Variants in MYO7B observed in about 807,000 individuals in gnomAD.
MYO7B encodes unconventional myosin-VIIb.
In MYO7B, 212 loss-of-function variants were observed where a neutral mutation model predicts 259.7. The observed-to-expected ratio is 0.82, with a 90% CI of 0.73 to 0.91. The LOEUF (loss-of-function observed/expected upper bound fraction) is 0.91. Ranked by LOEUF, MYO7B falls within the 40% of genes least tolerant of loss-of-function variation. The pLI, the probability that MYO7B is intolerant of heterozygous loss-of-function variation, is 0.00. For missense variants in MYO7B, 2,732 were observed against 2,813.5 expected, an observed-to-expected ratio of 0.97 and a Z score of 0.66; for synonymous variants, 1,197 against 1,166.4, an observed-to-expected ratio of 1.03 and a Z score of -0.54.
At position 127,596,468 on chromosome 2, in the gene MYO7B, C is replaced by T; in HGVS notation, c.2251C>T (p.Gln751Ter). ...GKTKIFLRDH[Q>*]DTLLEVQRSQ... ...GGCGTCTCTCCTGTTCCAGGATCATCAGGACACTCTGCTGGAGGTACAGAG... is the reference window on the plus strand; with the variant it reads ...GGCGTCTCTCCTGTTCCAGGATCATTAGGACACTCTGCTGGAGGTACAGAG... Residue 751 changes from glutamine (Q) to a stop codon, truncating the protein, a stop_gained, in exon 19 of 48, where the codon CAG becomes TAG. Coordinates refer to ENST00000409816, the MANE Select transcript of MYO7B (RefSeq NM_001393586.1). LOFTEE classifies it high-confidence loss of function. The T allele has an allele frequency of 6.2e-7, 1 of 1,613,108 alleles. No homozygotes were observed.
chr2:127,592,774 C>T lies in MYO7B; in HGVS notation c.1993-20C>T, dbSNP rs775151102. 18 of 1,600,538 alleles carry T rather than the reference C, an allele frequency of 1.1e-5. No individual in the cohort carries two copies. The highest frequency in any genetic ancestry group is 2.3e-5 in the East Asian group (1 of 44,160). On this transcript the variant is annotated intron_variant, in intron 16 of 47. Coordinates refer to ENST00000409816, the MANE Select transcript of MYO7B (RefSeq NM_001393586.1). ...GAAAGTGGGGCTTGCGCTGGGTCAG[C>T]GCCCGGTGTCCGCCCACAGCTGTTC...
Position 127,624,116 on chromosome 2 carries a change from C to G in MYO7B, c.3843C>G (p.Arg1281=). ...YDKFWSLGSG[R]DHMMDAIARC... is the part of the protein sequence containing the mutation. ...AGTTCTGGTCCCTGGGCAGCGGGCG[C>G]GACCACATGATGGATGCCATCGCCC... The change falls in exon 30 of 48, where the codon CGC becomes CGG. Residue 1281 remains arginine, a synonymous_variant. Coordinates refer to ENST00000409816, the MANE Select transcript of MYO7B (RefSeq NM_001393586.1). 1 of 1,579,040 alleles carries G rather than the reference C, an allele frequency of 6.3e-7. No individual in the cohort carries two copies. Among genetic ancestry groups the G allele is most frequent in the Non-Finnish European group, 8.6e-7 (1 of 1,163,406 alleles).
rs2104949105 is a variant in MYO7B at position 127,586,186 on chromosome 2, G to GT, written c.1690+1278dup. Among the ~76,000 whole-genome samples the GT allele has an allele frequency of 6.6e-6, 1 of 152,244 alleles. No homozygotes were observed. The highest frequency in any genetic ancestry group is 2.4e-5 in the African/African-American group (1 of 41,548). On this transcript the variant is annotated intron_variant, in intron 14 of 47. Coordinates refer to ENST00000409816, the MANE Select transcript of MYO7B (RefSeq NM_001393586.1). This position sits in a 1 kb window ranked among gnomAD's most constrained non-coding sequence, Gnocchi z 4.8. ...TTCTTCTAAGATTTTTTTAGTGTTAGTTTTTACGTTAGGTCTTTGACCCAT... is the reference window on the plus strand; with the variant it reads ...TTCTTCTAAGATTTTTTTAGTGTTAGTTTTTTACGTTAGGTCTTTGACCCAT...
At chr2:127,567,229 C>A (rs2104876677) in intron 5 of MYO7B, among the ~76,000 whole-genome samples, 1 of 152,168 alleles carries the variant, frequency 6.6e-6, no homozygotes, top group Non-Finnish European at 1.5e-5. Context: ...CATAGCAAGA[C>A]CCTCTCTCTG....
chr2:127,612,669 T>G, intron 26 of MYO7B, 66 bp downstream of exon 26: 1 of 1,567,806 alleles, frequency 6.4e-7, no homozygotes, highest in Non-Finnish European at 8.6e-7. Context: ...TCTCAGCCCA[T>G]GGCCACAGCC....
At chr2:127,602,430 T>C (rs986432540) in intron 19 of MYO7B, among the ~76,000 whole-genome samples, 2 of 152,184 alleles carry the variant, frequency 1.3e-5, no homozygotes, top group Non-Finnish European at 2.9e-5. Flanking sequence ...GGAGGATCAC[T>C]TGAGGCCAGG....
In MYO7B at chr2:127,580,763, C is replaced by G; in HGVS notation, c.1021C>G (p.Leu341Val). ...VGFMASVFEN[L>V]DASDVMETPA... The stretch of plus-strand genomic sequence containing the variant: ...CTCTCTAGCTTCGGTCTTCGAGAAC[C>G]TGGACGCCTCAGACGTGATGGAGAC... Residue 341 changes from leucine to valine, a missense_variant, in exon 10 of 48, where the codon CTG becomes GTG. Leu to Val is a conservative substitution (Grantham distance 32). Coordinates refer to ENST00000409816, the MANE Select transcript of MYO7B (RefSeq NM_001393586.1). 6.2e-7 allele frequency: 1 copy of G among 1,613,442 alleles called. No individual in the cohort carries two copies. The highest frequency in any genetic ancestry group is 8.5e-7 in the Non-Finnish European group (1 of 1,179,722).
Position 127,612,559 on chromosome 2 carries a change from G to A in MYO7B, c.3354G>A (p.Lys1118=), listed in dbSNP as rs751673255. ...GADRPMSNLE[K]VHFIVGYAIL... ...ACCGGCCCATGTCCAACCTGGAGAA[G>A]GTGCACTTCATCGTGGGCTACGCCA... The change falls in exon 26 of 48, where the codon AAG becomes AAA. Residue 1118 remains lysine (K), a synonymous_variant. Transcript: ENST00000409816. 3.1e-6 allele frequency: 5 copies of A among 1,604,202 alleles called. No individual in the cohort carries two copies. Among genetic ancestry groups the A allele is most frequent in the South Asian group, 1.1e-5 (1 of 88,762 alleles).
intron 24 of MYO7B, among the ~76,000 whole-genome samples, chr2:127,610,743 A>T (rs1558834414): frequency 6.6e-6 from 1 of 152,214 alleles, no homozygotes; most frequent in Non-Finnish European, 1.5e-5. Flanking sequence ...GACTTAGCTC[A>T]ATACCTGTGG....
chr2:127,614,036 G>T lies in MYO7B; in HGVS notation c.3398+1433G>T, dbSNP rs1680483784. 6.6e-6 allele frequency among the ~76,000 whole-genome samples: 1 copy of T among 152,184 alleles called. No individual in the cohort carries two copies. Among genetic ancestry groups the T allele is most frequent in the South Asian group, 2.1e-4 (1 of 4,830 alleles). ...AGGGCTTCTCAAGTTTTAGCTGCCT[G>T]CATGACACTAGCTGGGCAAGTCTTC... On this transcript the variant is annotated intron_variant, in intron 26 of 47. Transcript: ENST00000409816. This position sits in a 1 kb window ranked among gnomAD's most constrained non-coding sequence, Gnocchi z 4.6.
chr2:127,565,436 C>T (rs1176818798), intron 4 of MYO7B, 51 bp downstream of exon 4: 3 of 1,597,400 alleles, frequency 1.9e-6, no homozygotes, highest in Middle Eastern at 1.7e-4. Context: ...CAGGTGCCAA[C>T]CTCCTGGACA....
Position 127,628,469 on chromosome 2 carries a change from C to A in MYO7B, c.4558C>A (p.Leu1520Met). The A allele has an allele frequency of 6.4e-7, 1 of 1,564,362 alleles. No individual in the cohort carries two copies. Among genetic ancestry groups the A allele is most frequent in the East Asian group, 2.3e-5 (1 of 42,780 alleles). Residue 1520 changes from leucine to methionine, a missense_variant, in exon 34 of 48, where the codon CTG (leucine) becomes ATG (methionine). Leu to Met is a conservative substitution (Grantham distance 15, BLOSUM62 2). Around this residue, in one of 3 missense-constraint regions of MYO7B, gnomAD observed 1,906 missense variants for 2,026.4 expected, o/e 0.94. Coordinates refer to ENST00000409816, the MANE Select transcript of MYO7B (RefSeq NM_001393586.1). This position sits in a 1 kb window ranked among gnomAD's most constrained non-coding sequence, Gnocchi z 4.8. ...TGTGGCCATCGCTGAGCTGGTGGCC[C>A]TGTTCCTGGAGGGCCTGAAGGAGAG... ...SSVAIAELVA[L>M]FLEGLKERSI...
At position 127,592,794 on chromosome 2, in the gene MYO7B, C is replaced by CCGCCCCGG. The variant is rs1558822044; in HGVS notation, c.1993_1994insCGCCCCGG (p.Leu665ProfsTer19). On this transcript the variant is annotated frameshift_variant and splice_region_variant, in exon 17 of 48. Transcript: ENST00000409816. LOFTEE classifies it high-confidence loss of function. ...GTCAGCGCCCGGTGTCCGCCCACAG[C>CCGCCCCGG]TGTTCGACCGGGAGCTGTGCCTGCG... 3.1e-6 allele frequency: 5 copies of CCGCCCCGG among 1,609,198 alleles called. 1 individual carries two copies. The Admixed American group carries it at 8.4e-5, about 27-fold the overall frequency.
chr2:127,616,598 G>A (rs1311708968), intron 26 of MYO7B, among the ~76,000 whole-genome samples: 1 of 152,190 alleles, frequency 6.6e-6, no homozygotes, highest in Non-Finnish European at 1.5e-5. Context: ...TATCCTGTTG[G>A]CAAAGGTCCC....
In MYO7B at chr2:127,590,965, G is replaced by A. The variant is rs1473249886; in HGVS notation, c.1992+736G>A. Among the ~76,000 whole-genome samples, 4 of 152,182 alleles carry A rather than the reference G, an allele frequency of 2.6e-5. No homozygotes were observed. Among genetic ancestry groups the A allele is most frequent in the African/African-American group, 9.7e-5 (4 of 41,424 alleles). On this transcript the variant is annotated intron_variant, in intron 16 of 47. Transcript: ENST00000409816. The surrounding 1 kb of genome is among the most constrained non-coding windows in gnomAD (Gnocchi z 4.6). ...TCCCAGCACTTTGGGAGGCTGAGGC[G>A]GGAGGATTGCTTGAGGCAAGCCTGG...
intron 26 of MYO7B, among the ~76,000 whole-genome samples, chr2:127,619,569 C>G (rs1680746201): frequency 6.6e-6 from 1 of 152,110 alleles, no homozygotes; most frequent in Non-Finnish European, 1.5e-5. Context: ...TGCTTCCCAT[C>G]TCTGTTCGGT....
rs377021485 is a variant in MYO7B, at chr2:127,614,376, G to A, written c.3398+1773G>A. Among the ~76,000 whole-genome samples, 1 of 151,988 alleles carries A rather than the reference G, an allele frequency of 6.6e-6. No individual in the cohort carries two copies. The highest frequency in any genetic ancestry group is 1.5e-5 in the Non-Finnish European group (1 of 68,002). The stretch of plus-strand genomic sequence containing the variant: ...ATGCCTGAAGCTCAGCTCCTTCCAC[G>A]ACATCTTTTGGTCAGCAGGAAGCTC... On this transcript the variant is annotated intron_variant, in intron 26 of 47. Transcript: ENST00000409816. This position sits in a 1 kb window ranked among gnomAD's most constrained non-coding sequence, Gnocchi z 4.6.
At chr2:127,630,749 G>A in intron 35 of MYO7B, 29 bp from the exon 36 acceptor site, 1 of 1,609,654 alleles carries the variant, frequency 6.2e-7, no homozygotes, top group Non-Finnish European at 8.5e-7. Context: ...GGTGGCTCCT[G>A]GGCACCCACA....
chr2:127,584,799 C>A lies in MYO7B; in HGVS notation c.1576C>A (p.Gln526Lys). ...FPQGTDLTML[Q>K]KLNSVHANNK... ...CCAGGGGACAGATCTCACCATGCTGCAAAAGCTGAACAGCGTCCATGCCAA... is the reference window on the plus strand; with the variant it reads ...CCAGGGGACAGATCTCACCATGCTGAAAAAGCTGAACAGCGTCCATGCCAA... The change falls in exon 14 of 48, where the codon CAA becomes AAA. Residue 526 changes from glutamine (Q) to lysine (K), a missense_variant. Transcript: ENST00000409816. The surrounding 1 kb of genome is among the most constrained non-coding windows in gnomAD (Gnocchi z 5.8). 1 of 1,613,954 alleles carries A rather than the reference C, an allele frequency of 6.2e-7. No homozygotes were observed. The highest frequency in any genetic ancestry group is 1.1e-5 in the South Asian group (1 of 91,082).
Sources: allele counts gnomAD v4.1 joint callset (sites outside exome capture counted in the v4.1 genomes callset), GRCh38; gene constraint gnomAD v4.1.1; regional missense constraint gnomAD v4.1.1; non-coding constraint Gnocchi (gnomAD v3.1); transcripts MANE v1.5; gene names NCBI Gene and HGNC (gene_info 2026-07-23, HGNC 2026-07-21).